PAK5: variants seen among roughly 807,000 people sequenced by gnomAD.
The protein encoded by PAK5 is p21 (RAC1) activated kinase 5.
In PAK5, 16 loss-of-function variants were observed where a neutral mutation model predicts 65.9. The ratio of observed to expected loss-of-function variants is 0.24; its 90% CI spans 0.16 to 0.37. The LOEUF (loss-of-function observed/expected upper bound fraction) is 0.37. Among genes scored for constraint, PAK5 ranks in the 10% least tolerant of loss-of-function variants. The pLI, the probability that PAK5 is intolerant of heterozygous loss-of-function variation, is 1.00. For synonymous variants in PAK5, 371 were observed against 354.9 expected (o/e 1.05, Z -0.51); for missense variants, 785 against 903.9 (o/e 0.87, Z 1.69).
intron 2 of PAK5, among the ~76,000 whole-genome samples, chr20:9,701,288 C>T (rs2047936580): frequency 6.6e-6 from 1 of 152,168 alleles, no homozygotes; most frequent in Non-Finnish European, 1.5e-5. Context: ...GTACCACTTA[C>T]TATCATGTTT....
intron 3 of PAK5, among the ~76,000 whole-genome samples, chr20:9,618,915 G>GCTTTTTTTTTTTTT (rs2046715177): frequency 5.3e-5 from 1 of 18,816 alleles, no homozygotes. Context: ...TCTTTCTTTC[G>GCTTTTTTTTTTTTT]TTTTTTTTTT....
intron 1 of PAK5, among the ~76,000 whole-genome samples, chr20:9,774,324 T>C (rs1439995880): frequency 6.6e-6 from 1 of 152,094 alleles, no homozygotes; most frequent in Non-Finnish European, 1.5e-5. Flanking sequence ...ATAGAGCAAA[T>C]TGTGGATACT....
intron 1 of PAK5, among the ~76,000 whole-genome samples, chr20:9,802,910 G>GTATATATAGATATATATATATATA (rs1555929052): frequency 2.2e-5 from 1 of 46,364 alleles, no homozygotes; most frequent in African/African-American, 8.0e-5. Flanking sequence ...ATATGTATGT[G>GTATATATAGATATATATATATATA]TATATATATA....
chr20:9,788,497 G>A (rs1052503331), intron 1 of PAK5, among the ~76,000 whole-genome samples: 38 of 152,072 alleles, frequency 2.5e-4, no homozygotes, highest in African/African-American at 8.7e-4. Flanking sequence ...ATGAAAAGAG[G>A]AGAGAAGCCC....
intron 1 of PAK5, among the ~76,000 whole-genome samples, chr20:9,755,847 G>C (rs527931282): frequency 6.6e-6 from 1 of 152,186 alleles, no homozygotes; most frequent in Non-Finnish European, 1.5e-5. Context: ...TATGGCATCT[G>C]ATTAAAGTAA....
intron 1 of PAK5, among the ~76,000 whole-genome samples, chr20:9,768,066 T>C (rs1033571257): frequency 6.6e-6 from 1 of 152,170 alleles, no homozygotes; most frequent in African/African-American, 2.4e-5. Context: ...ACAGGGCAAT[T>C]AGACACCAAA....
chr20:9,565,801 T>A, intron 5 of PAK5, 92 bp downstream of exon 5: 1 of 1,303,758 alleles, frequency 7.7e-7, no homozygotes, highest in Non-Finnish European at 1.1e-6. Flanking sequence ...TCAGTGCTTT[T>A]CTAATGTCCT....
intron 2 of PAK5, among the ~76,000 whole-genome samples, chr20:9,679,909 G>C (rs1365181882): frequency 6.6e-6 from 1 of 152,214 alleles, no homozygotes; most frequent in Non-Finnish European, 1.5e-5. Flanking sequence ...TTCCATGAAG[G>C]TGCCATGTGC....
intron 1 of PAK5, among the ~76,000 whole-genome samples, chr20:9,807,639 CT>C (rs780447367): frequency 6.6e-6 from 1 of 151,992 alleles, no homozygotes; most frequent in Non-Finnish European, 1.5e-5. Flanking sequence ...TCCCCATTCC[CT>C]TCCTGAATAC....
At chr20:9,820,450 G>A (rs1319182066) in intron 1 of PAK5, among the ~76,000 whole-genome samples, 1 of 152,246 alleles carries the variant, frequency 6.6e-6, no homozygotes, top group East Asian at 1.9e-4. Context: ...CCTCCTCCAA[G>A]GAGAAATGAA....
At chr20:9,811,411 G>A (rs1243542759) in intron 1 of PAK5, among the ~76,000 whole-genome samples, 2 of 152,100 alleles carry the variant, frequency 1.3e-5, no homozygotes, top group Admixed American at 1.3e-4. Flanking sequence ...AAAGCTTTTG[G>A]TTTGTTTTGG....
At chr20:9,708,858 CCCAAAGTTA>C (rs1307852762) in intron 2 of PAK5, among the ~76,000 whole-genome samples, 2 of 152,114 alleles carry the variant, frequency 1.3e-5, no homozygotes, top group Admixed American at 1.3e-4. Flanking sequence ...TATGCTGTAT[CCCAAAGTTA>C]CCTAATGTGA....
At chr20:9,661,198 A>T (rs2047341327) in intron 2 of PAK5, among the ~76,000 whole-genome samples, 1 of 152,274 alleles carries the variant, frequency 6.6e-6, no homozygotes, top group Non-Finnish European at 1.5e-5. Context: ...TTTTGATGTA[A>T]TTAAGTGATT....
chr20:9,830,428 T>C (rs1978616825), intron 1 of PAK5, among the ~76,000 whole-genome samples: 1 of 152,224 alleles, frequency 6.6e-6, no homozygotes, highest in Non-Finnish European at 1.5e-5. Flanking sequence ...TAGTTAATAA[T>C]AACTTTATCA....
At chr20:9,695,830 A>G (rs1458812406) in intron 2 of PAK5, among the ~76,000 whole-genome samples, 1 of 152,018 alleles carries the variant, frequency 6.6e-6, no homozygotes, top group Non-Finnish European at 1.5e-5. Context: ...TTTAAATTCT[A>G]AAAAAACTTC....
intron 1 of PAK5, among the ~76,000 whole-genome samples, chr20:9,829,940 A>T (rs1978572980): frequency 6.6e-6 from 1 of 152,030 alleles, no homozygotes; most frequent in Non-Finnish European, 1.5e-5. Context: ...TTGTGTGGAG[A>T]CTACAAAGTC....
In PAK5 at chr20:9,618,915, GTTTTTTTTTTTTTTTTT is replaced by G. The variant is rs150725498; in HGVS notation, c.204+25193_204+25209del. ...AGATTCTTTTCTCTCTCTTTCTTTC[GTTTTTTTTTTTTTTTTT>G]TTTTTTTTTTTTTTTTTAATCTCAC... On this transcript the variant is annotated intron_variant, in intron 3 of 9. Transcript: ENST00000353224. 2.6e-3 allele frequency among the ~76,000 whole-genome samples: 49 copies of G among 18,818 alleles called. 2 individuals are homozygous for G. The highest frequency in any genetic ancestry group is 6.3e-3 in the Admixed American group (7 of 1,110). The allele number at this position is 18,818 out of a possible 152,430, so 12.3% of individuals were successfully genotyped here. A position where few individuals can be genotyped will look rare whatever the true frequency, so the allele number is the denominator to read the frequency against.
intron 2 of PAK5, among the ~76,000 whole-genome samples, chr20:9,710,398 T>C (rs1483465569): frequency 6.6e-6 from 1 of 152,190 alleles, no homozygotes; most frequent in East Asian, 1.9e-4. Context: ...TTCTTTGAAA[T>C]AGTAGAATAA....
At chr20:9,603,647 A>G (rs546114137) in intron 3 of PAK5, among the ~76,000 whole-genome samples, 91 of 152,354 alleles carry the variant, frequency 6.0e-4, no homozygotes, top group African/African-American at 2.2e-3. Flanking sequence ...TCCTGACTCC[A>G]GATAGCTTAT....
Sources: allele counts gnomAD v4.1 joint callset (sites outside exome capture counted in the v4.1 genomes callset), GRCh38; gene constraint gnomAD v4.1.1; transcripts MANE v1.5; gene names NCBI Gene and HGNC (gene_info 2026-07-23, HGNC 2026-07-21).